The following CA10 variants were observed in gnomAD, a reference collection of about 807,000 sequenced individuals.
The protein encoded by CA10 is carbonic anhydrase 10 (inactive), also known as carbonic anhydrase-related protein 10.
In CA10, 14 loss-of-function variants were observed where a neutral mutation model predicts 44.2. The observed-to-expected ratio is 0.32, with a 90% CI of 0.21 to 0.50. The LOEUF is 0.50. Ranked by LOEUF, CA10 falls within the 20% of genes least tolerant of loss-of-function variation. The pLI is 0.99. For missense variants in CA10, 350 were observed against 409.7 expected (o/e 0.85, Z 1.26); for synonymous variants, 159 against 141.6 (o/e 1.12, Z -0.87).
rs763069771 is a variant in CA10 at position 51,747,786 on chromosome 17, G to A, written c.312C>T (p.His104=). The A allele has an allele frequency of 4.1e-5, 66 of 1,613,378 alleles. No homozygotes were observed. The highest frequency in any genetic ancestry group is 1.6e-4 in the Middle Eastern group (1 of 6,082). The change falls in exon 4 of 9, where the codon CAC becomes CAT. Residue 104 remains histidine, a synonymous_variant. Transcript: ENST00000451037. The part of the protein sequence containing the change: ...VSGTMYNTGR[H]VSLRLDKEHL... ...GCTCCTTGTCCAGGCGAAGGGATAC[G>A]TGTCTTCCAGTGTTGTACATGGTCC...
chr17:51,703,801 T>TAGCA (rs1915675640), intron 4 of CA10, among the ~76,000 whole-genome samples: 1 of 152,202 alleles, frequency 6.6e-6, no homozygotes, highest in East Asian at 1.9e-4. Context: ...TTTGGAAAGT[T>TAGCA]AGCAAGCTAG....
At chr17:51,936,442 A>G (rs1022754087) in intron 2 of CA10, among the ~76,000 whole-genome samples, 3 of 145,766 alleles carry the variant, frequency 2.1e-5, no homozygotes, top group African/African-American at 7.4e-5. Flanking sequence ...CAGCTGGTAG[A>G]CTCTGGAAGG....
At chr17:51,859,153 C>T (rs774068900) in intron 3 of CA10, among the ~76,000 whole-genome samples, 7 of 151,986 alleles carry the variant, frequency 4.6e-5, no homozygotes, top group Non-Finnish European at 1.5e-5. Flanking sequence ...ATCTTTTTCT[C>T]TTCTACATCA....
chr17:52,007,159 C>T (rs900957847), intron 2 of CA10, among the ~76,000 whole-genome samples: 4 of 151,644 alleles, frequency 2.6e-5, no homozygotes, highest in Admixed American at 2.6e-4. Flanking sequence ...GCTGGAAATT[C>T]ATTTTCAAAT....
chr17:52,144,015 C>T (rs1235871893), intron 1 of CA10, among the ~76,000 whole-genome samples: 1 of 152,136 alleles, frequency 6.6e-6, no homozygotes, highest in Non-Finnish European at 1.5e-5. Flanking sequence ...ATACTGCAAT[C>T]TCAGGAATAG....
intron 2 of CA10, among the ~76,000 whole-genome samples, chr17:51,951,171 G>C (rs115823411): frequency 1.1e-3 from 172 of 152,224 alleles, no homozygotes; most frequent in African/African-American, 4.0e-3. Context: ...AAGTTCTCAG[G>C]TTCCTCCTCC....
intron 5 of CA10, 50 bp from the exon 6 acceptor site, chr17:51,649,304 A>T: frequency 7.8e-7 from 1 of 1,289,390 alleles, no homozygotes; most frequent in East Asian, 2.3e-5. Flanking sequence ...CTTGCAGGAC[A>T]AACATCTCCC....
intron 3 of CA10, among the ~76,000 whole-genome samples, chr17:51,764,788 G>A (rs578187516): frequency 6.6e-6 from 1 of 152,140 alleles, no homozygotes; most frequent in Non-Finnish European, 1.5e-5. Flanking sequence ...CACATTTCTT[G>A]ATTAAGAACC....
intron 2 of CA10, among the ~76,000 whole-genome samples, chr17:52,031,574 A>C (rs1324659136): frequency 6.6e-6 from 1 of 152,182 alleles, no homozygotes; most frequent in Non-Finnish European, 1.5e-5. Context: ...AATAGGAATA[A>C]CATGGGATTC....
chr17:52,001,851 A>G (rs1407092282), intron 2 of CA10, among the ~76,000 whole-genome samples: 2 of 151,988 alleles, frequency 1.3e-5, no homozygotes, highest in Non-Finnish European at 2.9e-5. Flanking sequence ...ATCTTCATGA[A>G]AAATACACAT....
intron 2 of CA10, among the ~76,000 whole-genome samples, chr17:51,959,797 G>GAAAA (rs3062037): frequency 0.046 from 5,126 of 112,192 alleles, 174 homozygotes; most frequent in South Asian, 0.055. Flanking sequence ...CTGCTAAGAT[G>GAAAA]AAAAAAAAAA....
intron 1 of CA10, among the ~76,000 whole-genome samples, chr17:52,151,082 C>G (rs1303043375): frequency 6.6e-6 from 1 of 151,912 alleles, no homozygotes; most frequent in Non-Finnish European, 1.5e-5. Flanking sequence ...TTTCTTATTA[C>G]AATCAAAGTA....
chr17:51,653,321 A>G (rs2143284035), intron 5 of CA10, among the ~76,000 whole-genome samples: 1 of 152,322 alleles, frequency 6.6e-6, no homozygotes, highest in East Asian at 1.9e-4. Context: ...CCACCCTTCT[A>G]GTATTATATC....
intron 3 of CA10, among the ~76,000 whole-genome samples, chr17:51,835,515 T>A (rs755974645): frequency 6.6e-6 from 1 of 152,186 alleles, no homozygotes; most frequent in African/African-American, 2.4e-5. Context: ...ACATGGTGAG[T>A]TCAGTATAGG....
At chr17:51,756,472 G>GTTTTTT (rs11452726) in intron 3 of CA10, among the ~76,000 whole-genome samples, 1 of 132,280 alleles carries the variant, frequency 7.6e-6, no homozygotes, top group Non-Finnish European at 1.6e-5. Context: ...TGAGGTAGTT[G>GTTTTTT]TTTTTTTTTT....
At chr17:51,918,855 C>T (rs541068493) in intron 3 of CA10, among the ~76,000 whole-genome samples, 8 of 152,272 alleles carry the variant, frequency 5.3e-5, no homozygotes, top group Non-Finnish European at 1.0e-4. Context: ...CTTTTTAAAA[C>T]GTTAAGAATA....
At chr17:52,148,358 C>A (rs988046117) in intron 1 of CA10, among the ~76,000 whole-genome samples, 31 of 152,208 alleles carry the variant, frequency 2.0e-4, no homozygotes, top group African/African-American at 7.5e-4. Context: ...ATCCACTGAT[C>A]TTTAATTGTC....
intron 3 of CA10, among the ~76,000 whole-genome samples, chr17:51,810,695 A>T (rs895209623): frequency 6.6e-6 from 1 of 152,214 alleles, no homozygotes; most frequent in African/African-American, 2.4e-5. Flanking sequence ...ATCAGCATTT[A>T]AAAAAATTCA....
intron 3 of CA10, among the ~76,000 whole-genome samples, chr17:51,919,819 T>C (rs1409049182): frequency 1.3e-5 from 2 of 152,046 alleles, no homozygotes; most frequent in Admixed American, 6.5e-5. Context: ...ACCTGGCTAA[T>C]TTTTGTAATT....
Sources: gnomAD v4.1 joint callset for allele counts (sites outside exome capture counted in the v4.1 genomes callset) on GRCh38, gnomAD v4.1.1 for gene constraint, MANE v1.5 for transcripts, NCBI Gene and HGNC (gene_info 2026-07-23, HGNC 2026-07-21) for gene names.